PIP4K2A: variants seen among roughly 807,000 people sequenced by gnomAD.
PIP4K2A encodes phosphatidylinositol 5-phosphate 4-kinase type-2 alpha.
Under a neutral mutation model 42.9 loss-of-function variants are expected in PIP4K2A, and 14 were observed. The observed-to-expected ratio is 0.33, with a 90% CI of 0.22 to 0.51. The LOEUF (loss-of-function observed/expected upper bound fraction) is 0.51, where lower values mean the gene tolerates loss of function less well. Ranked by LOEUF, PIP4K2A falls within the 20% of genes least tolerant of loss-of-function variation. PIP4K2A has a pLI of 0.97. For missense variants in PIP4K2A, 434 were observed against 519.8 expected (o/e 0.83, Z 1.61); for synonymous variants, 192 against 192.2 (o/e 1.00, Z 0.01).
At chr10:22,549,277 A>G (rs1836335702) in intron 7 of PIP4K2A, among the ~76,000 whole-genome samples, 1 of 152,192 alleles carries the variant, frequency 6.6e-6, no homozygotes, top group East Asian at 1.9e-4. Context: ...TTAAAAATAA[A>G]TTATACTGCT....
chr10:22,588,139 A>G (rs1475100178), intron 4 of PIP4K2A, among the ~76,000 whole-genome samples: 2 of 152,212 alleles, frequency 1.3e-5, no homozygotes, highest in Non-Finnish European at 2.9e-5. Context: ...TTTAATGGTC[A>G]ACGTTTGTGT....
chr10:22,659,356 A>T (rs1201052868), intron 1 of PIP4K2A, among the ~76,000 whole-genome samples: 2 of 152,170 alleles, frequency 1.3e-5, no homozygotes, highest in African/African-American at 4.8e-5. Context: ...ACACTTTGGG[A>T]GGCCAAGGTG....
Position 22,601,298 on chromosome 10 carries a change from C to A in PIP4K2A, c.339+6629G>T, listed in dbSNP as rs145911143. On this transcript the variant is annotated intron_variant, in intron 3 of 9. Coordinates refer to ENST00000376573, the MANE Select transcript of PIP4K2A (RefSeq NM_005028.5). ...GGCAAAACCCAAAGCAGGTTTGAGG[C>A]GGGAAACACAGGCTAACAGGAAGCC... 6.6e-4 allele frequency among the ~76,000 whole-genome samples: 100 copies of A among 152,188 alleles called. No homozygotes were observed. In the East Asian group the frequency reaches 0.019, roughly 29 times the overall value.
At chr10:22,656,254 T>TCC (rs1839097987) in intron 1 of PIP4K2A, among the ~76,000 whole-genome samples, 1 of 152,186 alleles carries the variant, frequency 6.6e-6, no homozygotes, top group South Asian at 2.1e-4. Context: ...GTGTCCTGTG[T>TCC]CCCCACCTGG....
intron 5 of PIP4K2A, among the ~76,000 whole-genome samples, chr10:22,572,988 T>G (rs1471521189): frequency 6.6e-6 from 1 of 152,242 alleles, no homozygotes. Context: ...CACTTTTACT[T>G]ACTGCCTGTC....
intron 8 of PIP4K2A, 110 bp from the exon 9 acceptor site, chr10:22,540,184 T>C: frequency 1.4e-6 from 1 of 724,662 alleles, no homozygotes; most frequent in Middle Eastern, 2.8e-4. Context: ...GGGGATTCAA[T>C]GGAACGCGGA....
intron 1 of PIP4K2A, among the ~76,000 whole-genome samples, chr10:22,712,562 C>A (rs1287271903): frequency 1.3e-5 from 2 of 152,162 alleles, no homozygotes; most frequent in Non-Finnish European, 1.5e-5. Flanking sequence ...AATAAAAGAG[C>A]TTAACAAAAT....
At chr10:22,649,869 CTTT>C (rs1271837142) in intron 1 of PIP4K2A, among the ~76,000 whole-genome samples, 1 of 152,178 alleles carries the variant, frequency 6.6e-6, no homozygotes, top group Admixed American at 6.5e-5. Context: ...ATCAGCCCTA[CTTT>C]TTTCCTCTAT....
intron 4 of PIP4K2A, among the ~76,000 whole-genome samples, chr10:22,578,736 A>G (rs1201122363): frequency 6.6e-6 from 1 of 152,200 alleles, no homozygotes; most frequent in African/African-American, 2.4e-5. Flanking sequence ...TCCACATAGG[A>G]TTCATCTAGT....
chr10:22,687,006 A>C (rs994373450), intron 1 of PIP4K2A, among the ~76,000 whole-genome samples: 1 of 152,162 alleles, frequency 6.6e-6, no homozygotes, highest in African/African-American at 2.4e-5. Flanking sequence ...CTCACTCGTA[A>C]ATAGCAAATG....
At chr10:22,707,511 G>A (rs1261942443) in intron 1 of PIP4K2A, among the ~76,000 whole-genome samples, 1 of 152,144 alleles carries the variant, frequency 6.6e-6, no homozygotes, top group East Asian at 1.9e-4. Flanking sequence ...GGGAAAAACT[G>A]GTTTTCAAGT....
chr10:22,605,671 G>C (rs1226888889), intron 3 of PIP4K2A, among the ~76,000 whole-genome samples: 5 of 152,184 alleles, frequency 3.3e-5, no homozygotes, highest in Non-Finnish European at 4.4e-5. Flanking sequence ...ATAGATGCAT[G>C]GGCCCTCAAA....
intron 1 of PIP4K2A, among the ~76,000 whole-genome samples, chr10:22,631,012 G>A (rs1298703528): frequency 6.6e-6 from 1 of 152,032 alleles, no homozygotes; most frequent in Non-Finnish European, 1.5e-5. Context: ...ACAGCTTCTC[G>A]CGATCAGGAG....
chr10:22,578,955 A>C (rs1446937066), intron 4 of PIP4K2A, among the ~76,000 whole-genome samples: 1 of 152,200 alleles, frequency 6.6e-6, no homozygotes, highest in Admixed American at 6.5e-5. Context: ...CAGGTGTTAC[A>C]AATATGAAAA....
At chr10:22,576,650 G>A (rs948172226) in intron 4 of PIP4K2A, among the ~76,000 whole-genome samples, 7 of 152,172 alleles carry the variant, frequency 4.6e-5, no homozygotes, top group Non-Finnish European at 7.3e-5. Context: ...AGTACTTAAC[G>A]ATTAAATGAG....
At chr10:22,589,636 G>A (rs965448167) in intron 4 of PIP4K2A, among the ~76,000 whole-genome samples, 1 of 152,178 alleles carries the variant, frequency 6.6e-6, no homozygotes, top group South Asian at 2.1e-4. Flanking sequence ...CAACTGCCAA[G>A]AAAGAATCCA....
At position 22,554,463 on chromosome 10, in the gene PIP4K2A, G is replaced by T. The variant is rs189052651; in HGVS notation, c.679-3691C>A. Among the ~76,000 whole-genome samples the T allele has an allele frequency of 8.7e-3, 1,318 of 152,272 alleles. 16 individuals are homozygous for T. The highest frequency in any genetic ancestry group is 0.039 in the South Asian group (187 of 4,826). ...AAACACTGGATTATTTGCGCTTAGA[G>T]TTTTCCAAGCTTGTAGTCACTGGGT... On this transcript the variant is annotated intron_variant, in intron 6 of 9. Coordinates refer to ENST00000376573, the MANE Select transcript of PIP4K2A (RefSeq NM_005028.5).
At chr10:22,537,627 C>CTT (rs1417506273) in intron 9 of PIP4K2A, among the ~76,000 whole-genome samples, 1 of 152,156 alleles carries the variant, frequency 6.6e-6, no homozygotes, top group Non-Finnish European at 1.5e-5. Context: ...GGAAACAATA[C>CTT]TTATGTTATA....
chr10:22,539,526 T>G (rs1201825592), intron 9 of PIP4K2A: 1 of 157,074 alleles, frequency 6.4e-6, no homozygotes, highest in African/African-American at 2.4e-5. Flanking sequence ...ACAATCATGC[T>G]TCAGTTTTGA....
Sources: allele counts gnomAD v4.1 joint callset (sites outside exome capture counted in the v4.1 genomes callset), GRCh38; gene constraint gnomAD v4.1.1; transcripts MANE v1.5; gene names NCBI Gene and HGNC (gene_info 2026-07-23, HGNC 2026-07-21).